The following DMGDH variants were observed in gnomAD, a reference collection of about 807,000 sequenced individuals.
The protein encoded by DMGDH is dimethylglycine dehydrogenase.
A neutral mutation model predicts 95.2 loss-of-function variants in DMGDH; 76 were observed. The ratio of observed to expected loss-of-function variants is 0.80; its 90% CI spans 0.66 to 0.97. DMGDH has a LOEUF of 0.97. DMGDH is among the 50% of genes least tolerant of loss of function. DMGDH has a pLI of 0.00. For synonymous variants in DMGDH, 345 were observed against 377.6 expected, an observed-to-expected ratio of 0.91 and a Z score of 1.00; for missense variants, 987 against 1,055.0, an observed-to-expected ratio of 0.94 and a Z score of 0.89.
intron 2 of DMGDH, among the ~76,000 whole-genome samples, chr5:79,056,687 C>G (rs1043128575): frequency 6.6e-6 from 1 of 151,956 alleles, no homozygotes; most frequent in African/African-American, 2.4e-5. Flanking sequence ...AACCCCTTCT[C>G]TACTAAAAAT....
intron 7 of DMGDH, among the ~76,000 whole-genome samples, chr5:79,035,348 T>C (rs1341708735): frequency 6.6e-6 from 1 of 152,158 alleles, no homozygotes; most frequent in African/African-American, 2.4e-5. Context: ...GTGCCTCCCA[T>C]TTACCAGGCA....
chr5:79,003,084 G>A (rs1397647360), intron 15 of DMGDH, among the ~76,000 whole-genome samples: 1 of 152,122 alleles, frequency 6.6e-6, no homozygotes, highest in African/African-American at 2.4e-5. Flanking sequence ...GGATGACGTG[G>A]GAATACAGAA....
chr5:79,015,690 A>C (rs1753719451), intron 14 of DMGDH, among the ~76,000 whole-genome samples: 1 of 152,234 alleles, frequency 6.6e-6, no homozygotes, highest in Admixed American at 6.5e-5. Flanking sequence ...AACAGGAAAA[A>C]TAAACAAAAT....
At chr5:79,033,686 G>A (rs1754257709) in intron 7 of DMGDH, among the ~76,000 whole-genome samples, 1 of 152,182 alleles carries the variant, frequency 6.6e-6, no homozygotes, top group Non-Finnish European at 1.5e-5. Context: ...ACTCACACCT[G>A]TAATCCCAGC....
At chr5:79,018,959 C>T (rs982571730) in intron 14 of DMGDH, among the ~76,000 whole-genome samples, 2 of 152,066 alleles carry the variant, frequency 1.3e-5, no homozygotes, top group Non-Finnish European at 2.9e-5. Flanking sequence ...CCTTCTCTTC[C>T]CCTCCCCTCC....
chr5:79,000,884 C>T lies in DMGDH; in HGVS notation c.2386-2587G>A, dbSNP rs1753440738. ...TATTCAATAAATGGACAAGTTCTTG[C>T]CCTTTAAGCCAATGAGCATTCAACT... On this transcript the variant is annotated intron_variant, in intron 15 of 15. Transcript: ENST00000255189. 9.2e-6 allele frequency: 6 copies of T among 653,074 alleles called. 1 individual carries two copies. The South Asian group carries it at 1.1e-4, about 12-fold the overall frequency. 40.5% of individuals were successfully genotyped at this position (653,074 alleles called of 1,614,324 possible).
At chr5:78,999,321 TTCTC>T (rs1246348923) in intron 15 of DMGDH, among the ~76,000 whole-genome samples, 1 of 152,110 alleles carries the variant, frequency 6.6e-6, no homozygotes, top group Non-Finnish European at 1.5e-5. Context: ...TCCATATGAT[TTCTC>T]TCTCTCTTTT....
At chr5:79,021,321 G>T (rs772382522) in intron 14 of DMGDH, 4 of 1,094,932 alleles carry the variant, frequency 3.7e-6, no homozygotes, top group Non-Finnish European at 4.5e-6. Context: ...AGGTTCATGA[G>T]ATCTGAGAGC....
chr5:79,019,590 G>A (rs1357509893), intron 14 of DMGDH, among the ~76,000 whole-genome samples: 3 of 152,108 alleles, frequency 2.0e-5, no homozygotes, highest in Non-Finnish European at 2.9e-5. Context: ...GGGCTTATTA[G>A]AATAGATTGT....
In DMGDH at chr5:79,055,735, A is replaced by G. The variant is rs888711769; in HGVS notation, c.375+75T>C. 1.6e-5 allele frequency: 16 copies of G among 1,008,182 alleles called. 1 individual carries two copies. The South Asian group carries it at 2.1e-4, about 13-fold the overall frequency. The allele number at this position is 1,008,182 out of a possible 1,614,324, so 62.5% of individuals were successfully genotyped here. A position where few individuals can be genotyped will look rare whatever the true frequency, so the allele number is the denominator to read the frequency against. Reference sequence around the variant, plus strand: ...TCCACACGGTCATACACAATGATGCATCAAAATCCTTCAGAAATCTTACAT... The same window carrying G: ...TCCACACGGTCATACACAATGATGCGTCAAAATCCTTCAGAAATCTTACAT... On this transcript the variant is annotated intron_variant, in intron 3 of 15. Transcript: ENST00000255189.
At chr5:79,051,920 A>T (rs1464336544) in intron 4 of DMGDH, among the ~76,000 whole-genome samples, 1 of 152,244 alleles carries the variant, frequency 6.6e-6, no homozygotes, top group East Asian at 1.9e-4. Flanking sequence ...GGGAAAACAA[A>T]GAAGAATGAA....
At position 79,030,578 on chromosome 5, in the gene DMGDH, G is replaced by A. The variant is rs887670835; in HGVS notation, c.1683+255C>T. ...GGAGAATTGCTTGAACCTGGGAGGC[G>A]AAGGTTGCAGTGAGCCGAGATCACA... is the stretch of plus-strand genomic sequence containing the variant. On this transcript the variant is annotated intron_variant, in intron 10 of 15. Coordinates refer to ENST00000255189, the MANE Select transcript of DMGDH (RefSeq NM_013391.3). The A allele has an allele frequency of 2.2e-5, 8 of 359,246 alleles. No homozygotes were observed. In the South Asian group the frequency reaches 2.2e-4, roughly 10 times the overall value. 22.3% of individuals were successfully genotyped at this position (359,246 alleles called of 1,614,324 possible). A position where few individuals can be genotyped will look rare whatever the true frequency, so the allele number is the denominator to read the frequency against.
chr5:79,023,837 G>C (rs1753925797), intron 14 of DMGDH, among the ~76,000 whole-genome samples: 1 of 152,216 alleles, frequency 6.6e-6, no homozygotes, highest in Admixed American at 6.5e-5. Context: ...CAGATATGCT[G>C]AAGTGAGGCT....
At chr5:79,011,841 T>A (rs1402591337) in intron 14 of DMGDH, among the ~76,000 whole-genome samples, 1 of 152,124 alleles carries the variant, frequency 6.6e-6, no homozygotes, top group Non-Finnish European at 1.5e-5. Flanking sequence ...AAACCAGTCA[T>A]GAGAAATCTG....
intron 14 of DMGDH, chr5:79,021,727 A>T: frequency 7.8e-7 from 1 of 1,287,954 alleles, no homozygotes; most frequent in Non-Finnish European, 1.0e-6. Context: ...ATGTGGGGGA[A>T]GTGTCTATTA....
intron 1 of DMGDH, among the ~76,000 whole-genome samples, chr5:79,068,461 A>G (rs1419847735): frequency 6.6e-6 from 1 of 152,208 alleles, no homozygotes; most frequent in African/African-American, 2.4e-5. Context: ...ACTGAACCTC[A>G]GAAGTGTAAG....
At chr5:79,027,114 T>C (rs1754023805) in intron 12 of DMGDH, among the ~76,000 whole-genome samples, 1 of 152,198 alleles carries the variant, frequency 6.6e-6, no homozygotes, top group African/African-American at 2.4e-5. Flanking sequence ...CCAACAGAGC[T>C]GTGGGCAAAA....
chr5:79,052,989 G>A (rs1190738787), intron 4 of DMGDH, among the ~76,000 whole-genome samples: 1 of 152,190 alleles, frequency 6.6e-6, no homozygotes, highest in African/African-American at 2.4e-5. Flanking sequence ...ATACACTTGG[G>A]CAAGATGTAT....
intron 13 of DMGDH, 129 bp from the exon 14 acceptor site, chr5:79,024,459 C>A: frequency 1.2e-6 from 1 of 869,500 alleles, no homozygotes; most frequent in South Asian, 1.6e-5. Context: ...GAAAGGCAAA[C>A]TATAGACCGG....
Sources: gnomAD v4.1 joint callset for allele counts (sites outside exome capture counted in the v4.1 genomes callset) on GRCh38, gnomAD v4.1.1 for gene constraint, MANE v1.5 for transcripts, NCBI Gene and HGNC (gene_info 2026-07-23, HGNC 2026-07-21) for gene names.